The following OPCML variants were observed in gnomAD, a reference collection of about 807,000 sequenced individuals.
The protein encoded by OPCML is opioid binding protein/cell adhesion molecule like.
A neutral mutation model predicts 37.8 loss-of-function variants in OPCML; 13 were observed. The ratio of observed to expected loss-of-function variants is 0.34; its 90% CI spans 0.22 to 0.55. The LOEUF (loss-of-function observed/expected upper bound fraction) is 0.55, where lower values mean the gene tolerates loss of function less well. Among genes scored for constraint, OPCML ranks in the 20% least tolerant of loss-of-function variants. The pLI, the probability that OPCML is intolerant of heterozygous loss-of-function variation, is 0.91. For synonymous variants in OPCML, 176 were observed against 168.8 expected, an observed-to-expected ratio of 1.04 and a Z score of -0.33; for missense variants, 341 against 435.6, an observed-to-expected ratio of 0.78 and a Z score of 1.93.
intron 4 of OPCML, among the ~76,000 whole-genome samples, chr11:132,478,070 AG>A (rs749289821): frequency 9.9e-5 from 15 of 152,212 alleles, no homozygotes; most frequent in Non-Finnish European, 1.5e-4. Context: ...AAATTCAGCA[AG>A]TTTGCAGAAT....
chr11:133,257,388 T>C (rs1326407427), intron 1 of OPCML, among the ~76,000 whole-genome samples: 2 of 152,228 alleles, frequency 1.3e-5, no homozygotes, highest in East Asian at 1.9e-4. Flanking sequence ...TACTGTGATT[T>C]GAAACAAAGT....
chr11:133,490,863 C>T (rs561175030), intron 1 of OPCML, among the ~76,000 whole-genome samples: 4 of 152,280 alleles, frequency 2.6e-5, no homozygotes, highest in South Asian at 4.1e-4. Flanking sequence ...CCTAGGCCCC[C>T]GTCAACGTTA....
At chr11:132,898,908 A>G (rs1198473440) in intron 2 of OPCML, among the ~76,000 whole-genome samples, 2 of 147,190 alleles carry the variant, frequency 1.4e-5, no homozygotes, top group African/African-American at 2.6e-5. Context: ...TATGGTGCTG[A>G]CTGGGTGACT....
At chr11:132,583,499 C>A (rs2096466309) in intron 3 of OPCML, among the ~76,000 whole-genome samples, 1 of 152,038 alleles carries the variant, frequency 6.6e-6, no homozygotes, top group Admixed American at 6.6e-5. Context: ...GTGGGTCTTT[C>A]TTTGTTGCTT....
chr11:132,907,197 C>T (rs1469146695), intron 2 of OPCML, among the ~76,000 whole-genome samples: 1 of 152,156 alleles, frequency 6.6e-6, no homozygotes, highest in Non-Finnish European at 1.5e-5. Flanking sequence ...CAATATGAAC[C>T]CTCCACATTT....
In OPCML at chr11:132,943,330, G is replaced by A; in HGVS notation, c.62-320C>T. ...ATGCCCCCTCCTGCATCCAAAAAGA[G>A]CTTTCTTGACGCTCCCCTGGGGAGG... On this transcript the variant is annotated intron_variant, in intron 1 of 7. Transcript: ENST00000524381. This position sits in a 1 kb window ranked among gnomAD's most constrained non-coding sequence, Gnocchi z 4.3. 1.7e-6 allele frequency: 1 copy of A among 603,628 alleles called. No homozygotes were observed. Among genetic ancestry groups the A allele is most frequent in the Non-Finnish European group, 2.8e-6 (1 of 351,842 alleles). 37.4% of individuals were successfully genotyped at this position (603,628 alleles called of 1,614,324 possible).
At chr11:132,661,177 A>C (rs1941961794) in intron 2 of OPCML, among the ~76,000 whole-genome samples, 1 of 152,100 alleles carries the variant, frequency 6.6e-6, no homozygotes, top group Non-Finnish European at 1.5e-5. Context: ...GTGAGTAGCC[A>C]TGATCCGGTG....
chr11:132,479,393 G>A (rs988220370), intron 4 of OPCML, among the ~76,000 whole-genome samples: 1 of 152,198 alleles, frequency 6.6e-6, no homozygotes, highest in South Asian at 2.1e-4. Context: ...GAATCTCGCT[G>A]ATTGCTAGCA....
At chr11:132,924,573 T>A (rs1944925615) in intron 2 of OPCML, among the ~76,000 whole-genome samples, 1 of 152,248 alleles carries the variant, frequency 6.6e-6, no homozygotes, top group African/African-American at 2.4e-5. Context: ...TTCACCCTGC[T>A]CTTTTCTTGC....
chr11:133,326,429 G>T (rs1159845091), intron 1 of OPCML, among the ~76,000 whole-genome samples: 1 of 141,004 alleles, frequency 7.1e-6, no homozygotes, highest in Admixed American at 7.3e-5. Context: ...ATGCATGTGT[G>T]TGGGTGCGTG....
chr11:132,795,205 G>T (rs537425890), intron 2 of OPCML, among the ~76,000 whole-genome samples: 1 of 152,054 alleles, frequency 6.6e-6, no homozygotes, highest in Admixed American at 6.6e-5. Context: ...CATTTCATAC[G>T]TTTGAATTTT....
chr11:133,143,152 CCT>C (rs1949849636), intron 1 of OPCML, among the ~76,000 whole-genome samples: 2 of 152,234 alleles, frequency 1.3e-5, no homozygotes, highest in African/African-American at 4.8e-5. Flanking sequence ...AGTCTGGCCT[CCT>C]CTGTTTCCAA....
chr11:132,459,579 A>C (rs1472728482), intron 4 of OPCML, among the ~76,000 whole-genome samples: 1 of 150,858 alleles, frequency 6.6e-6, no homozygotes, highest in African/African-American at 2.4e-5. Flanking sequence ...AGAGAGAGAG[A>C]GATCCTACTG....
At chr11:133,215,363 T>C (rs890418902) in intron 1 of OPCML, among the ~76,000 whole-genome samples, 2 of 152,212 alleles carry the variant, frequency 1.3e-5, no homozygotes, top group Non-Finnish European at 2.9e-5. Flanking sequence ...TTACAGCTGC[T>C]GCTTATGTTG....
chr11:132,687,946 T>C (rs1350132659), intron 2 of OPCML, among the ~76,000 whole-genome samples: 3 of 152,256 alleles, frequency 2.0e-5, no homozygotes, highest in East Asian at 1.9e-4. Flanking sequence ...TACTATAGAA[T>C]GCACTCCAGG....
At chr11:132,647,145 T>G (rs964924418) in intron 3 of OPCML, among the ~76,000 whole-genome samples, 1 of 152,070 alleles carries the variant, frequency 6.6e-6, no homozygotes, top group African/African-American at 2.4e-5. Context: ...AGAAGCTGAG[T>G]GGAGAATTGA....
At chr11:132,435,067 T>C (rs2096008620) in intron 7 of OPCML, 1 of 647,348 alleles carries the variant, frequency 1.5e-6, no homozygotes, top group Non-Finnish European at 2.5e-6. Context: ...ATTACAGAGG[T>C]GAAGCAGGCA....
chr11:132,743,082 C>A (rs528639875), intron 2 of OPCML, among the ~76,000 whole-genome samples: 12 of 152,208 alleles, frequency 7.9e-5, no homozygotes, highest in African/African-American at 2.4e-4. Flanking sequence ...GATGATAGGG[C>A]CATGTTCCTA....
chr11:132,523,492 G>A (rs2096299634), intron 4 of OPCML, among the ~76,000 whole-genome samples: 2 of 144,134 alleles, frequency 1.4e-5, no homozygotes, highest in Admixed American at 1.4e-4. Context: ...TAGTTTTATG[G>A]ATTCTTGCTC....
Sources: allele counts gnomAD v4.1 joint callset (sites outside exome capture counted in the v4.1 genomes callset), GRCh38; gene constraint gnomAD v4.1.1; non-coding constraint Gnocchi (gnomAD v3.1); transcripts MANE v1.5; gene names NCBI Gene and HGNC (gene_info 2026-07-23, HGNC 2026-07-21).